The following DYM variants were observed in gnomAD, a reference collection of about 807,000 sequenced individuals.
The protein encoded by DYM is dymeclin.
A neutral mutation model predicts 93.1 loss-of-function variants in DYM; 78 were observed. The observed-to-expected ratio is 0.84, with a 90% confidence interval of 0.70 to 1.01. The LOEUF (loss-of-function observed/expected upper bound fraction) is 1.01. Among genes scored for constraint, DYM ranks in the 50% least tolerant of loss-of-function variants. DYM has a pLI of 0.00. For synonymous variants in DYM, 321 were observed against 319.7 expected, an observed-to-expected ratio of 1.00 and a Z score of -0.04; for missense variants, 789 against 845.0, an observed-to-expected ratio of 0.93 and a Z score of 0.82.
chr18:49,112,706 A>C (rs1355897477), intron 16 of DYM, among the ~76,000 whole-genome samples: 1 of 152,186 alleles, frequency 6.6e-6, no homozygotes, highest in Admixed American at 6.5e-5. Context: ...CAATAAAATA[A>C]ACATACTCAT....
chr18:49,160,981 T>A (rs1245690773), intron 15 of DYM, among the ~76,000 whole-genome samples: 1 of 152,010 alleles, frequency 6.6e-6, no homozygotes, highest in African/African-American at 2.4e-5. Flanking sequence ...GAATCAGTGC[T>A]AACCATTCTC....
chr18:49,266,073 T>C (rs932162192), intron 11 of DYM, among the ~76,000 whole-genome samples: 1 of 152,074 alleles, frequency 6.6e-6, no homozygotes, highest in African/African-American at 2.4e-5. Context: ...GGCACGAGAA[T>C]TGCGTAAAAC....
intron 6 of DYM, among the ~76,000 whole-genome samples, chr18:49,353,270 A>T (rs2147198761): frequency 6.6e-6 from 1 of 152,226 alleles, no homozygotes; most frequent in East Asian, 1.9e-4. Flanking sequence ...ACATCGTAAA[A>T]CTTTAAGAGA....
intron 2 of DYM, among the ~76,000 whole-genome samples, chr18:49,418,564 A>G (rs1192151303): frequency 6.6e-6 from 1 of 152,236 alleles, no homozygotes; most frequent in Non-Finnish European, 1.5e-5. Flanking sequence ...GAAGGATTAG[A>G]TTCGTCCTAA....
chr18:49,303,215 ATC>A (rs2061055295), intron 8 of DYM, among the ~76,000 whole-genome samples: 1 of 152,168 alleles, frequency 6.6e-6, no homozygotes, highest in African/African-American at 2.4e-5. Context: ...CTGAGGGACA[ATC>A]TCTCTTAGGC....
chr18:49,386,998 C>A (rs1318917659), intron 3 of DYM, among the ~76,000 whole-genome samples: 2 of 146,854 alleles, frequency 1.4e-5, no homozygotes, highest in Non-Finnish European at 3.0e-5. Flanking sequence ...GGCTGAATGT[C>A]GTAGTGTGAT....
intron 17 of DYM, among the ~76,000 whole-genome samples, chr18:49,091,588 T>C (rs2079056240): frequency 6.6e-6 from 1 of 152,132 alleles, no homozygotes; most frequent in South Asian, 2.1e-4. Flanking sequence ...CAGCGGCTGA[T>C]GTTAAAGCGC....
intron 10 of DYM, among the ~76,000 whole-genome samples, chr18:49,273,650 T>C (rs1215468663): frequency 6.6e-6 from 1 of 152,158 alleles, no homozygotes; most frequent in Non-Finnish European, 1.5e-5. Flanking sequence ...GTTTATGGCC[T>C]AGGAGCCATA....
rs1285252658 is a variant in DYM at position 49,203,281 on chromosome 18, C to T, written c.1625+6270G>A. ...GCCGCCCCGTCCAGGAGGTGAGGGG[C>T]GCCTCTGCCCGGCCGCCCCTACTGG... On this transcript the variant is annotated intron_variant, in intron 14 of 17. Coordinates refer to ENST00000675505, the MANE Select transcript of DYM (RefSeq NM_001353214.3). Among the ~76,000 whole-genome samples the T allele has an allele frequency of 1.7e-3, 95 of 54,586 alleles. 3 individuals carry two copies. Among genetic ancestry groups the T allele is most frequent in the Non-Finnish European group, 3.1e-3 (64 of 20,786 alleles). 35.8% of individuals were successfully genotyped at this position (54,586 alleles called of 152,430 possible). A position where few individuals can be genotyped will look rare whatever the true frequency, so the allele number is the denominator to read the frequency against.
chr18:49,080,398 C>A (rs1438125721), intron 17 of DYM, among the ~76,000 whole-genome samples: 19 of 137,372 alleles, frequency 1.4e-4, no homozygotes, highest in South Asian at 5.0e-4. Flanking sequence ...GAGCCCCCCA[C>A]CTCCCTCCCG....
chr18:49,245,319 G>C (rs1299180538), intron 13 of DYM, among the ~76,000 whole-genome samples: 2 of 152,196 alleles, frequency 1.3e-5, no homozygotes, highest in African/African-American at 4.8e-5. Context: ...AACAAGGAAA[G>C]ATAACCATAA....
intron 6 of DYM, among the ~76,000 whole-genome samples, chr18:49,355,274 TA>T (rs2065449676): frequency 6.6e-6 from 1 of 151,972 alleles, no homozygotes; most frequent in African/African-American, 2.4e-5. Flanking sequence ...TAGATATAGA[TA>T]TCAATAGATA....
At chr18:49,121,491 A>C (rs908837119) in intron 15 of DYM, among the ~76,000 whole-genome samples, 3 of 152,188 alleles carry the variant, frequency 2.0e-5, no homozygotes, top group Non-Finnish European at 2.9e-5. Flanking sequence ...ATTCAAAGAG[A>C]TAATGACTGA....
intron 16 of DYM, among the ~76,000 whole-genome samples, chr18:49,103,974 T>A (rs948962872): frequency 1.2e-4 from 19 of 152,178 alleles, no homozygotes; most frequent in African/African-American, 4.3e-4. Flanking sequence ...TTGATGGGGA[T>A]GGCATTGAAT....
At chr18:49,315,455 T>C (rs1252856029) in intron 8 of DYM, among the ~76,000 whole-genome samples, 6 of 152,206 alleles carry the variant, frequency 3.9e-5, no homozygotes, top group Non-Finnish European at 2.9e-5. Flanking sequence ...TGAAGATGTA[T>C]GTGATGTTAC....
At chr18:49,147,438 G>A (rs2085288726) in intron 15 of DYM, among the ~76,000 whole-genome samples, 1 of 152,116 alleles carries the variant, frequency 6.6e-6, no homozygotes, top group Admixed American at 6.6e-5. Flanking sequence ...AATTTTTGCA[G>A]TCTACTCATC....
At chr18:49,202,914 GC>G (rs1482518916) in intron 14 of DYM, among the ~76,000 whole-genome samples, 2 of 137,672 alleles carry the variant, frequency 1.5e-5, no homozygotes, top group Admixed American at 1.4e-4. Flanking sequence ...GGGGGGGTCA[GC>G]CCCCCGCCTG....
chr18:49,411,163 ACT>A (rs1355711875), intron 2 of DYM, among the ~76,000 whole-genome samples: 1 of 152,156 alleles, frequency 6.6e-6, no homozygotes, highest in Non-Finnish European at 1.5e-5. Flanking sequence ...CCAGATTAAT[ACT>A]CTTTCAATAT....
chr18:49,243,485 T>C (rs2094084149), intron 13 of DYM, among the ~76,000 whole-genome samples: 1 of 151,920 alleles, frequency 6.6e-6, no homozygotes, highest in Non-Finnish European at 1.5e-5. Flanking sequence ...GCCAACATTG[T>C]AAATCCCTGT....
Sources: gnomAD v4.1 joint callset for allele counts (sites outside exome capture counted in the v4.1 genomes callset) on GRCh38, gnomAD v4.1.1 for gene constraint, MANE v1.5 for transcripts, NCBI Gene and HGNC (gene_info 2026-07-23, HGNC 2026-07-21) for gene names.